Variants in PDE10A observed in about 807,000 individuals in gnomAD.
PDE10A encodes the protein cAMP and cAMP-inhibited cGMP 3',5'-cyclic phosphodiesterase 10A.
In PDE10A, 39 loss-of-function variants were observed where a neutral mutation model predicts 97.7. The ratio of observed to expected loss-of-function variants is 0.40; its 90% confidence interval spans 0.31 to 0.52. The LOEUF (loss-of-function observed/expected upper bound fraction) is 0.52. PDE10A is among the 20% of genes least tolerant of loss of function. The pLI is 0.56. For synonymous variants in PDE10A, 371 were observed against 376.8 expected (o/e 0.98, Z 0.18); for missense variants, 731 against 1,047.8 (o/e 0.70, Z 4.17).
At chr6:165,874,144 A>C (rs1781273844) in intron 1 of PDE10A, among the ~76,000 whole-genome samples, 1 of 152,238 alleles carries the variant, frequency 6.6e-6, no homozygotes, top group Admixed American at 6.5e-5. Context: ...GGGGAGGAGA[A>C]GCCATAAAAA....
chr6:165,622,189 C>G (rs1473820224), intron 1 of PDE10A, among the ~76,000 whole-genome samples: 1 of 152,208 alleles, frequency 6.6e-6, no homozygotes, highest in Admixed American at 6.5e-5. Context: ...TGTTTCCAGA[C>G]TTGCTGGCCT....
intron 1 of PDE10A, among the ~76,000 whole-genome samples, chr6:165,872,538 G>A (rs939919969): frequency 6.6e-6 from 1 of 152,160 alleles, no homozygotes; most frequent in Admixed American, 6.5e-5. Flanking sequence ...GCTGGGGTGA[G>A]CTCCCTCCTG....
At chr6:165,338,209 T>G (rs979653917) in intron 20 of PDE10A, among the ~76,000 whole-genome samples, 1 of 152,268 alleles carries the variant, frequency 6.6e-6, no homozygotes, top group Admixed American at 6.5e-5. Context: ...ATTCAGCCTC[T>G]TTGTTGTGCT....
chr6:165,816,653 C>G (rs1562751176), intron 1 of PDE10A, among the ~76,000 whole-genome samples: 1 of 152,146 alleles, frequency 6.6e-6, no homozygotes, highest in Non-Finnish European at 1.5e-5. Flanking sequence ...TAAGTGTTTG[C>G]TAAATAAATA....
intron 9 of PDE10A, among the ~76,000 whole-genome samples, chr6:165,429,048 CATTA>C (rs1398577175): frequency 1.3e-5 from 2 of 152,052 alleles, no homozygotes; most frequent in Non-Finnish European, 2.9e-5. Context: ...TTAATATTTT[CATTA>C]ATAACTCTGA....
At position 165,883,375 on chromosome 6, in the gene PDE10A, T is replaced by C. The variant is rs998405939; in HGVS notation, c.-615+104154A>G. The stretch of plus-strand genomic sequence containing the variant: ...CTGGCCAACGTGGCAAAACCTTGTC[T>C]CTACCAAGAATACAAAAATGGCCCA... On this transcript the variant is annotated intron_variant, in intron 1 of 19. Coordinates refer to the PDE10A transcript ENST00000366882. Among the ~76,000 whole-genome samples the C allele has an allele frequency of 1.1e-4, 17 of 151,928 alleles. No homozygotes were observed. The East Asian group carries it at 2.9e-3, about 26-fold the overall frequency.
chr6:165,886,491 C>G (rs191414051), intron 1 of PDE10A, among the ~76,000 whole-genome samples: 3 of 152,322 alleles, frequency 2.0e-5, no homozygotes, highest in Non-Finnish European at 1.5e-5. Flanking sequence ...CAGAAGATAG[C>G]CTGGGGCCTG....
intron 2 of PDE10A, among the ~76,000 whole-genome samples, chr6:165,524,556 T>G (rs1434855915): frequency 2.0e-5 from 3 of 152,168 alleles, no homozygotes; most frequent in Admixed American, 1.3e-4. Flanking sequence ...AGTTGGTTGG[T>G]TGCTCCTAAG....
In PDE10A at chr6:165,603,459, A is replaced by G. The variant is rs376776606; in HGVS notation, c.865+58488T>C. 1.5e-4 allele frequency among the ~76,000 whole-genome samples: 23 copies of G among 152,388 alleles called. 1 individual carries two copies. The highest frequency in any genetic ancestry group is 5.3e-4 in the African/African-American group (22 of 41,592). ...TTCTAACAACTCATTTTGTAGCTGA[A>G]AGGCACTGTAGTGAAAACATAGGAA... On this transcript the variant is annotated intron_variant, in intron 1 of 21. Transcript: ENST00000539869.
upstream of PDE10A, chr6:165,987,963 T>G (rs1398302689): frequency 1.6e-5 from 6 of 384,912 alleles, no homozygotes; most frequent in East Asian, 4.4e-4. Context: ...ACATGAGTGC[T>G]TGTGTGTGCG....
At chr6:165,954,306 T>G (rs2128496017) in intron 1 of PDE10A, among the ~76,000 whole-genome samples, 1 of 152,334 alleles carries the variant, frequency 6.6e-6, no homozygotes, top group Admixed American at 6.5e-5. Context: ...ATTACCACTC[T>G]TGTGACGTAC....
chr6:165,433,972 A>G (rs1450317986), intron 6 of PDE10A, among the ~76,000 whole-genome samples: 1 of 147,870 alleles, frequency 6.8e-6, no homozygotes, highest in African/African-American at 2.5e-5. Flanking sequence ...AGCCGAGATC[A>G]AGCCACTGCA....
chr6:165,833,536 C>A (rs929048156), intron 1 of PDE10A, among the ~76,000 whole-genome samples: 2 of 152,246 alleles, frequency 1.3e-5, no homozygotes, highest in African/African-American at 4.8e-5. Context: ...CCTGTGCATG[C>A]CCCAGGGCGT....
At chr6:165,642,789 T>G (rs1789200169) in intron 1 of PDE10A, among the ~76,000 whole-genome samples, 1 of 152,262 alleles carries the variant, frequency 6.6e-6, no homozygotes, top group Admixed American at 6.5e-5. Context: ...GCCCTTTGCA[T>G]TCACTCGCTC....
chr6:165,984,640 G>C (rs954254499), intron 1 of PDE10A, among the ~76,000 whole-genome samples: 1 of 152,164 alleles, frequency 6.6e-6, no homozygotes, highest in African/African-American at 2.4e-5. Flanking sequence ...TTCCCCCAAA[G>C]ATGGAGAAAT....
At chr6:165,361,085 T>C (rs1783387552) in intron 18 of PDE10A, among the ~76,000 whole-genome samples, 1 of 152,200 alleles carries the variant, frequency 6.6e-6, no homozygotes, top group Non-Finnish European at 1.5e-5. Flanking sequence ...TGTATAACTA[T>C]CTCTATTTGA....
intron 1 of PDE10A, among the ~76,000 whole-genome samples, chr6:165,615,594 T>A (rs1419888776): frequency 6.6e-6 from 1 of 152,218 alleles, no homozygotes; most frequent in Non-Finnish European, 1.5e-5. Flanking sequence ...GAGGTTCTTT[T>A]AAAAATGACA....
intron 1 of PDE10A, among the ~76,000 whole-genome samples, chr6:165,727,150 T>C (rs1300425855): frequency 2.0e-5 from 3 of 152,222 alleles, no homozygotes; most frequent in African/African-American, 7.2e-5. Flanking sequence ...GACCCTGCCA[T>C]GGGCCCGCTG....
chr6:165,913,697 C>T (rs751929484), intron 1 of PDE10A, among the ~76,000 whole-genome samples: 16 of 152,236 alleles, frequency 1.1e-4, no homozygotes, highest in Admixed American at 2.0e-4. Context: ...GCTTGGGTCA[C>T]GGTTTCATAA....
Sources: gnomAD v4.1 joint callset for allele counts (sites outside exome capture counted in the v4.1 genomes callset) on GRCh38, gnomAD v4.1.1 for gene constraint, MANE v1.5 for transcripts, NCBI Gene and HGNC (gene_info 2026-07-23, HGNC 2026-07-21) for gene names.